The following MBD5 variants were observed in gnomAD, a reference collection of about 807,000 sequenced individuals.
MBD5 encodes methyl-CpG-binding domain protein 5.
MBD5 carries 13 observed loss-of-function variants against 117.3 expected under a neutral mutation model. That is an observed-to-expected ratio of 0.11 (90% CI 0.07 to 0.18). MBD5 has a LOEUF of 0.18. MBD5 is among the 10% of genes least tolerant of loss of function. The pLI, the probability that MBD5 is intolerant of heterozygous loss-of-function variation, is 1.00. For synonymous variants in MBD5, 727 were observed against 766.4 expected, an observed-to-expected ratio of 0.95 and a Z score of 0.85; for missense variants, 1,879 against 2,093.8, an observed-to-expected ratio of 0.90 and a Z score of 2.00.
At chr2:148,041,162 G>T (rs1694348530) in intron 1 of MBD5, 1 of 152,136 alleles carries the variant, frequency 6.6e-6, no homozygotes, top group Non-Finnish European at 1.5e-5. Context: ...CTGTGCTAGG[G>T]CTATGATCCC....
intron 1 of MBD5, among the ~76,000 whole-genome samples, chr2:148,149,609 C>G (rs975416065): frequency 5.3e-4 from 80 of 151,616 alleles, no homozygotes; most frequent in African/African-American, 1.9e-3. Context: ...CTGTTGTTTC[C>G]TGACTTTTTA....
chr2:148,264,977 T>C (rs1167959972), intron 3 of MBD5: 1 of 152,098 alleles, frequency 6.6e-6, no homozygotes, highest in Admixed American at 6.6e-5. Flanking sequence ...CCCAGACTTT[T>C]TGAGATTTCC....
chr2:148,463,352 A>G (rs916763148), intron 6 of MBD5, among the ~76,000 whole-genome samples: 1 of 152,210 alleles, frequency 6.6e-6, no homozygotes, highest in African/African-American at 2.4e-5. Flanking sequence ...TAACGTAATA[A>G]TAAAATGAAG....
intron 2 of MBD5, among the ~76,000 whole-genome samples, chr2:148,197,805 T>TG (rs1553483807): frequency 1.3e-3 from 168 of 127,398 alleles, no homozygotes; most frequent in Admixed American, 1.8e-3. Context: ...TTTTTTTTTT[T>TG]GTTTTTTTTT....
At chr2:148,120,862 G>A (rs7606218) in intron 1 of MBD5, among the ~76,000 whole-genome samples, 3,981 of 152,256 alleles carry the variant, frequency 0.026, 101 homozygotes, top group African/African-American at 0.067. Context: ...TAGAGAGAAA[G>A]CATGTAGTGC....
At chr2:148,384,684 A>G (rs1014339429) in intron 4 of MBD5, among the ~76,000 whole-genome samples, 1 of 152,052 alleles carries the variant, frequency 6.6e-6, no homozygotes, top group Admixed American at 6.5e-5. Context: ...ACAAAGCTGG[A>G]GGCATCACTC....
chr2:148,140,817 A>T (rs1261780640), intron 1 of MBD5, among the ~76,000 whole-genome samples: 1 of 151,280 alleles, frequency 6.6e-6, no homozygotes, highest in Non-Finnish European at 1.5e-5. Context: ...GCTGGAGTGC[A>T]GGCAGTGGTG....
chr2:148,056,766 G>C (rs139157396), intron 1 of MBD5, among the ~76,000 whole-genome samples: 39 of 151,918 alleles, frequency 2.6e-4, no homozygotes, highest in African/African-American at 9.4e-4. Flanking sequence ...GAGTCCATAC[G>C]TTTTTTCTAT....
chr2:148,156,422 G>A (rs1005664410), intron 1 of MBD5, among the ~76,000 whole-genome samples: 6 of 152,112 alleles, frequency 3.9e-5, no homozygotes, highest in African/African-American at 9.7e-5. Flanking sequence ...GTGCTCTTTC[G>A]TCCCGCCAAC....
intron 1 of MBD5, among the ~76,000 whole-genome samples, chr2:148,086,838 A>G (rs935340323): frequency 4.6e-5 from 7 of 152,148 alleles, no homozygotes; most frequent in Non-Finnish European, 7.4e-5. Flanking sequence ...ATGGGACTAG[A>G]CTTCCATCTG....
At chr2:148,143,372 G>A (rs1377146374) in intron 1 of MBD5, among the ~76,000 whole-genome samples, 1 of 152,104 alleles carries the variant, frequency 6.6e-6, no homozygotes, top group African/African-American at 2.4e-5. Context: ...GACAGACAGA[G>A]TAGAGACAAA....
At chr2:148,060,746 A>G (rs1695015083) in intron 1 of MBD5, among the ~76,000 whole-genome samples, 4 of 152,068 alleles carry the variant, frequency 2.6e-5, no homozygotes, top group Admixed American at 2.6e-4. Flanking sequence ...TATTTTTGCC[A>G]TTTCTCCCTA....
At chr2:148,462,801 T>C (rs1447362254) in intron 6 of MBD5, 117 bp downstream of exon 6, 1 of 710,718 alleles carries the variant, frequency 1.4e-6, no homozygotes, top group African/African-American at 1.8e-5. Context: ...ATTTTAATTC[T>C]TTATCTAATT....
intron 1 of MBD5, among the ~76,000 whole-genome samples, chr2:148,160,897 T>TGG (rs1491126455): frequency 6.6e-6 from 1 of 152,216 alleles, no homozygotes; most frequent in Admixed American, 6.5e-5. Flanking sequence ...TCCTCAACTC[T>TGG]GTGTTCTTAA....
chr2:148,065,590 A>G (rs1010211795), intron 1 of MBD5, among the ~76,000 whole-genome samples: 1 of 152,230 alleles, frequency 6.6e-6, no homozygotes, highest in Non-Finnish European at 1.5e-5. Context: ...GGAAATTAAT[A>G]TAGGATATCA....
Position 148,021,469 on chromosome 2 carries a change from C to CTGCTGCTGCTGT in MBD5, c.-1128_-1117dup, listed in dbSNP as rs1693720469. ...AGACCCTTTGCTGCTGCTGTTGCTG[C>CTGCTGCTGCTGT]TGCTGCTGCTGTTGCTGCTGCTGCT... is the stretch of plus-strand genomic sequence containing the variant. On this transcript the variant is annotated 5_prime_UTR_variant, in exon 1 of 14. Transcript: ENST00000642680. 6 of 578,294 alleles carry CTGCTGCTGCTGT rather than the reference C, an allele frequency of 1.0e-5. No homozygotes were observed. The highest frequency in any genetic ancestry group is 3.8e-5 in the African/African-American group (2 of 52,876). 35.8% of individuals were successfully genotyped at this position (578,294 alleles called of 1,614,324 possible). A position where few individuals can be genotyped will look rare whatever the true frequency, so the allele number is the denominator to read the frequency against.
At chr2:148,294,501 G>GTTTTTTTTTTTTTGTTTTTTTTTTTT (rs761709621) in intron 3 of MBD5, among the ~76,000 whole-genome samples, 93 of 113,180 alleles carry the variant, frequency 8.2e-4, no homozygotes, top group Non-Finnish European at 1.4e-3. Context: ...TGGGATTACA[G>GTTTTTTTTTTTTTGTTTTTTTTTTTT]TTTTTTTTTT....
At chr2:148,236,403 A>T (rs1700093058) in intron 3 of MBD5, among the ~76,000 whole-genome samples, 1 of 152,188 alleles carries the variant, frequency 6.6e-6, no homozygotes, top group African/African-American at 2.4e-5. Context: ...AAGTTAGAAG[A>T]GTTGATCCAT....
At chr2:148,247,162 A>C (rs148436099) in intron 3 of MBD5, among the ~76,000 whole-genome samples, 5 of 152,216 alleles carry the variant, frequency 3.3e-5, no homozygotes, top group African/African-American at 1.2e-4. Context: ...TCCTGTCTCT[A>C]TCACTGTTTC....
Sources: gnomAD v4.1 joint callset for allele counts (sites outside exome capture counted in the v4.1 genomes callset) on GRCh38, gnomAD v4.1.1 for gene constraint, MANE v1.5 for transcripts, NCBI Gene and HGNC (gene_info 2026-07-23, HGNC 2026-07-21) for gene names.